The following STS variants were observed in gnomAD, a reference collection of about 807,000 sequenced individuals.
The protein encoded by STS is steroid sulfatase, also known as steryl-sulfatase.
STS carries 7 observed loss-of-function variants against 26.8 expected under a neutral mutation model. The ratio of observed to expected loss-of-function variants is 0.26; its 90% confidence interval spans 0.15 to 0.49. STS has a LOEUF of 0.49. Among genes scored for constraint, STS ranks in the 20% least tolerant of loss-of-function variants. The probability of loss-of-function intolerance (pLI) is 0.98; values close to 1 mark genes in which losing one functional copy is unlikely to be tolerated. For missense variants in STS, 434 were observed against 465.6 expected (o/e 0.93, Z 0.63); for synonymous variants, 199 against 189.4 (o/e 1.05, Z -0.42).
intron 7 of STS, among the ~76,000 whole-genome samples, chrX:7,301,031 G>A (rs1424687959): frequency 9.0e-6 from 1 of 111,286 alleles, no homozygotes; most frequent in East Asian, 2.8e-4. Context: ...TGACACCCCA[G>A]CCTTTAGCAC....
chrX:7,204,529 C>G (rs954868574), intron 2 of STS, among the ~76,000 whole-genome samples: 18 of 92,654 alleles, frequency 1.9e-4, no homozygotes, highest in Non-Finnish European at 3.3e-4. Flanking sequence ...TCCTCCCTCC[C>G]TCCCTCCCTC....
At chrX:7,251,322 A>G (rs1429827432) in intron 2 of STS, among the ~76,000 whole-genome samples, 1 of 112,138 alleles carries the variant, frequency 8.9e-6, no homozygotes, top group Admixed American at 9.5e-5. Context: ...AGAGCAGTGC[A>G]TTCCTGAGCA....
chrX:7,324,458 T>C, intron 8 of STS, among the ~76,000 whole-genome samples: 2 of 112,059 alleles, frequency 1.8e-5, no homozygotes, highest in Middle Eastern at 9.3e-3. Context: ...GGAGATTGTC[T>C]ACAGAATGTA....
rs749903505 is a variant in STS at position 7,287,442 on chromosome X, T to G, written c.943+11355T>G. Among the ~76,000 whole-genome samples the G allele has an allele frequency of 2.6e-3, 289 of 111,240 alleles. 1 individual carries two copies. Among genetic ancestry groups the G allele is most frequent in the Non-Finnish European group, 4.0e-3 (214 of 53,001 alleles). On this transcript the variant is annotated intron_variant, in intron 7 of 10. Transcript: ENST00000674429. ...TCATTAATAGTTTGCTGGATAGATT[T>G]ATTTCTTATATGTTGCCAGTATGAC...
chrX:7,287,678 T>TTTTA (rs200085059), intron 7 of STS, among the ~76,000 whole-genome samples: 35,607 of 105,286 alleles, frequency 0.34, 5,057 homozygotes, highest in East Asian at 0.38. Context: ...TTATTTTTTA[T>TTTTA]TTTATTTATT....
At chrX:7,171,096 C>G (rs1418838564) in intron 1 of STS, among the ~76,000 whole-genome samples, 2 of 111,488 alleles carry the variant, frequency 1.8e-5, no homozygotes, top group Non-Finnish European at 3.8e-5. Context: ...GAGGAACCCT[C>G]CAAATCCATC....
At chrX:7,343,218 C>G (rs1344408076) in intron 10 of STS, among the ~76,000 whole-genome samples, 3 of 111,797 alleles carry the variant, frequency 2.7e-5, no homozygotes, top group Non-Finnish European at 5.6e-5. Context: ...ACCAGTTGAA[C>G]ATCATTCATC....
At chrX:7,346,973 G>A (rs748339213) in intron 10 of STS, among the ~76,000 whole-genome samples, 1 of 111,662 alleles carries the variant, frequency 9.0e-6, no homozygotes, top group South Asian at 3.8e-4. Flanking sequence ...GGAGGCTGAG[G>A]CAGGAGGATT....
chrX:7,211,591 C>T (rs973146744), intron 2 of STS, among the ~76,000 whole-genome samples: 1 of 112,248 alleles, frequency 8.9e-6, no homozygotes, highest in Non-Finnish European at 1.9e-5. Flanking sequence ...TCTGGGTTGG[C>T]TTGGCCTTGC....
At chrX:7,174,964 C>T (rs1182981985) in intron 1 of STS, among the ~76,000 whole-genome samples, 1 of 110,824 alleles carries the variant, frequency 9.0e-6, no homozygotes, top group Non-Finnish European at 1.9e-5. Flanking sequence ...ATCTAACTGG[C>T]GTTGGCGTCT....
intron 6 of STS, among the ~76,000 whole-genome samples, chrX:7,262,488 C>T (rs986046782): frequency 8.9e-6 from 1 of 111,750 alleles, no homozygotes; most frequent in Non-Finnish European, 1.9e-5. Context: ...GAAAATGAAA[C>T]GGCCTTGCTG....
At chrX:7,161,062 T>A (rs1317016234) in intron 1 of STS, among the ~76,000 whole-genome samples, 5 of 111,288 alleles carry the variant, frequency 4.5e-5, no homozygotes, top group African/African-American at 1.6e-4. Context: ...TTCCAGCAAT[T>A]CTTCTGCCTC....
intron 1 of STS, among the ~76,000 whole-genome samples, chrX:7,151,755 C>T (rs1366459087): frequency 2.7e-5 from 3 of 110,548 alleles, no homozygotes; most frequent in Non-Finnish European, 5.7e-5. Context: ...CAGATGTGGT[C>T]GGAACTGGCA....
chrX:7,162,485 G>A (rs1257002961), intron 1 of STS, among the ~76,000 whole-genome samples: 2 of 110,888 alleles, frequency 1.8e-5, no homozygotes, highest in African/African-American at 3.3e-5. Flanking sequence ...TTAGGGTCCC[G>A]GGTTCCTCTT....
At chrX:7,185,664 A>G (rs1320702765) in intron 1 of STS, among the ~76,000 whole-genome samples, 1 of 112,608 alleles carries the variant, frequency 8.9e-6, no homozygotes, top group Admixed American at 9.4e-5. Flanking sequence ...TACCTAAAAC[A>G]TTTCATTTTT....
chrX:7,307,473 C>G (rs1272590766), intron 8 of STS, among the ~76,000 whole-genome samples: 1 of 111,246 alleles, frequency 9.0e-6, no homozygotes, highest in African/African-American at 3.3e-5. Context: ...TGAGGCCTCT[C>G]TCACTTAAGA....
At chrX:7,286,404 C>G (rs1344222932) in intron 7 of STS, among the ~76,000 whole-genome samples, 1 of 110,878 alleles carries the variant, frequency 9.0e-6, no homozygotes, top group Non-Finnish European at 1.9e-5. Context: ...CATTGCACAC[C>G]CGTATTGCTG....
At chrX:7,176,932 C>T (rs1470690708) in intron 1 of STS, among the ~76,000 whole-genome samples, 1 of 111,671 alleles carries the variant, frequency 9.0e-6, no homozygotes, top group African/African-American at 3.3e-5. Flanking sequence ...TTTGGCTTGG[C>T]ACTGGTGTCA....
chrX:7,300,876 A>AT (rs1264948330), intron 7 of STS, among the ~76,000 whole-genome samples: 2 of 111,482 alleles, frequency 1.8e-5, no homozygotes, highest in African/African-American at 6.5e-5. Context: ...ATGGGGAAGG[A>AT]TGCAGGATAT....
Sources: gnomAD v4.1 joint callset for allele counts (sites outside exome capture counted in the v4.1 genomes callset) on GRCh38, gnomAD v4.1.1 for gene constraint, MANE v1.5 for transcripts, NCBI Gene and HGNC (gene_info 2026-07-23, HGNC 2026-07-21) for gene names.